Variants in SMAD3 observed in about 807,000 individuals in gnomAD.
The protein encoded by SMAD3 is MAD homolog 3.
A neutral mutation model predicts 51.8 loss-of-function variants in SMAD3; 12 were observed. The ratio of observed to expected loss-of-function variants is 0.23; its 90% confidence interval spans 0.15 to 0.38. The LOEUF (loss-of-function observed/expected upper bound fraction) is 0.38. Ranked by LOEUF, SMAD3 falls within the 10% of genes least tolerant of loss-of-function variation. SMAD3 has a pLI of 1.00. For synonymous variants in SMAD3, 238 were observed against 227.7 expected, an observed-to-expected ratio of 1.05 and a Z score of -0.41; for missense variants, 294 against 565.6, an observed-to-expected ratio of 0.52 and a Z score of 4.87.
In SMAD3 at chr15:67,065,981, C is replaced by T; in HGVS notation, c.-174C>T. 1 of 229,926 alleles carries T rather than the reference C, an allele frequency of 4.3e-6. No homozygotes were observed. Among genetic ancestry groups the T allele is most frequent in the Non-Finnish European group, 8.3e-6 (1 of 120,710 alleles). The allele number at this position is 229,926 out of a possible 1,614,324, so 14.2% of individuals were successfully genotyped here. A position where few individuals can be genotyped will look rare whatever the true frequency, so the allele number is the denominator to read the frequency against. On this transcript the variant is annotated 5_prime_UTR_variant, in exon 1 of 9. Coordinates refer to ENST00000327367, the MANE Select transcript of SMAD3 (RefSeq NM_005902.4). ...GGGCGCAGGGCCGCGCGCCGAGCCC[C>T]GCAGGCTGCAGCGCCGCGGCCCGGC...
chr15:67,128,423 C>T (rs928120205), intron 1 of SMAD3, among the ~76,000 whole-genome samples: 1 of 152,112 alleles, frequency 6.6e-6, no homozygotes, highest in African/African-American at 2.4e-5. Context: ...GCTTCCTTAT[C>T]TGTAAAACAT....
chr15:67,116,843 G>A (rs915007978), intron 1 of SMAD3, among the ~76,000 whole-genome samples: 4 of 152,144 alleles, frequency 2.6e-5, no homozygotes, highest in African/African-American at 9.7e-5. Context: ...TCTGCTTGAT[G>A]GTTGTAGTAA....
At chr15:67,117,942 A>G (rs924851896) in intron 1 of SMAD3, among the ~76,000 whole-genome samples, 1 of 152,158 alleles carries the variant, frequency 6.6e-6, no homozygotes, top group African/African-American at 2.4e-5. Context: ...AAATACAAAA[A>G]TTAGCCGGGC....
intron 5 of SMAD3, among the ~76,000 whole-genome samples, chr15:67,176,825 T>G (rs1378074656): frequency 6.6e-6 from 1 of 152,148 alleles, no homozygotes; most frequent in Non-Finnish European, 1.5e-5. Context: ...TTCCTGCGTC[T>G]CCAACACCTC....
At chr15:67,110,997 G>C (rs534001142) in intron 1 of SMAD3, among the ~76,000 whole-genome samples, 1 of 152,280 alleles carries the variant, frequency 6.6e-6, no homozygotes, top group South Asian at 2.1e-4. Flanking sequence ...AGCTTTATTG[G>C]CATATAATTC....
At chr15:67,135,382 C>T (rs78581577) in intron 1 of SMAD3, among the ~76,000 whole-genome samples, 1,981 of 152,308 alleles carry the variant, frequency 0.013, 41 homozygotes, top group African/African-American at 0.046. Flanking sequence ...GGCTTTGCCC[C>T]TTGGAAGCTT....
intron 1 of SMAD3, among the ~76,000 whole-genome samples, chr15:67,161,481 C>G (rs1469156374): frequency 1.3e-5 from 2 of 152,226 alleles, no homozygotes; most frequent in Non-Finnish European, 2.9e-5. Flanking sequence ...TCTCCAAGGC[C>G]TTCTCTTGCA....
At chr15:67,151,626 C>G (rs11630297) in intron 1 of SMAD3, among the ~76,000 whole-genome samples, 29,633 of 152,244 alleles carry the variant, frequency 0.19, 3,597 homozygotes, top group Non-Finnish European at 0.29. Flanking sequence ...CCATTGCACC[C>G]AGGCTATTTT....
intron 1 of SMAD3, among the ~76,000 whole-genome samples, chr15:67,129,154 T>C (rs942786489): frequency 1.3e-5 from 2 of 152,182 alleles, no homozygotes; most frequent in African/African-American, 4.8e-5. Flanking sequence ...TGGGAAGTGA[T>C]GTGCACTTAG....
At chr15:67,071,232 C>T (rs1330205429) in intron 1 of SMAD3, among the ~76,000 whole-genome samples, 2 of 152,164 alleles carry the variant, frequency 1.3e-5, no homozygotes, top group Admixed American at 1.3e-4. Context: ...GCTTTTTGGA[C>T]TGCAGTATGA....
intron 1 of SMAD3, 98 bp from the exon 2 acceptor site, chr15:67,164,797 G>A: frequency 3.2e-6 from 4 of 1,253,370 alleles, no homozygotes; most frequent in Non-Finnish European, 4.7e-6. Flanking sequence ...TGAGGGGAGA[G>A]AGAGCTTTCC....
chr15:67,170,248 G>C (rs1962710164), intron 4 of SMAD3, among the ~76,000 whole-genome samples: 1 of 152,212 alleles, frequency 6.6e-6, no homozygotes, highest in Non-Finnish European at 1.5e-5. Flanking sequence ...TTCTAGTTGA[G>C]AATTTAGCAG....
At chr15:67,067,206 C>T (rs1959945185) in intron 1 of SMAD3, among the ~76,000 whole-genome samples, 1 of 152,178 alleles carries the variant, frequency 6.6e-6, no homozygotes, top group Admixed American at 6.5e-5. Flanking sequence ...CCTCGCATTC[C>T]TGTAGAGCCT....
intron 1 of SMAD3, chr15:67,138,163 C>T: frequency 7.8e-7 from 1 of 1,276,946 alleles, no homozygotes; most frequent in Non-Finnish European, 1.1e-6. Flanking sequence ...CACCCGTCCA[C>T]AGGGTTGCTG....
chr15:67,096,495 T>C (rs1399215295), intron 1 of SMAD3, among the ~76,000 whole-genome samples: 1 of 152,226 alleles, frequency 6.6e-6, no homozygotes, highest in East Asian at 1.9e-4. Context: ...AGTGGTAAAA[T>C]TCATGCTAAT....
At chr15:67,150,480 A>G (rs1035950325) in intron 1 of SMAD3, among the ~76,000 whole-genome samples, 3 of 151,860 alleles carry the variant, frequency 2.0e-5, no homozygotes, top group East Asian at 1.9e-4. Flanking sequence ...TCCAGGAAAA[A>G]AAAGAAAGAA....
chr15:67,167,769 A>T (rs1291073564), intron 4 of SMAD3, among the ~76,000 whole-genome samples: 1 of 152,194 alleles, frequency 6.6e-6, no homozygotes, highest in Admixed American at 6.5e-5. Flanking sequence ...AGCTTCTTGA[A>T]TTGAACCCCA....
intron 1 of SMAD3, among the ~76,000 whole-genome samples, chr15:67,069,484 G>A (rs543222344): frequency 1.3e-5 from 2 of 152,148 alleles, no homozygotes; most frequent in East Asian, 1.9e-4. Flanking sequence ...TAAGGAGCTC[G>A]GCACACTTAA....
intron 3 of SMAD3, among the ~76,000 whole-genome samples, chr15:67,165,856 G>T (rs1410039567): frequency 2.0e-5 from 3 of 152,224 alleles, no homozygotes; most frequent in African/African-American, 7.2e-5. Flanking sequence ...GTGACTTTGA[G>T]TTTTCACTCT....
Sources: allele counts gnomAD v4.1 joint callset (sites outside exome capture counted in the v4.1 genomes callset), GRCh38; gene constraint gnomAD v4.1.1; transcripts MANE v1.5; gene names NCBI Gene and HGNC (gene_info 2026-07-23, HGNC 2026-07-21).